The following CACNA2D3 variants were observed in gnomAD, a reference collection of about 807,000 sequenced individuals.
The protein encoded by CACNA2D3 is voltage-dependent calcium channel subunit alpha-2/delta-3.
In CACNA2D3, 60 loss-of-function variants were observed where a neutral mutation model predicts 160.6. That is an observed-to-expected ratio of 0.37 (90% confidence interval 0.30 to 0.46). The LOEUF (loss-of-function observed/expected upper bound fraction) is 0.46. Ranked by LOEUF, CACNA2D3 falls within the 20% of genes least tolerant of loss-of-function variation. The pLI, the probability that CACNA2D3 is intolerant of heterozygous loss-of-function variation, is 1.00. For missense variants in CACNA2D3, 1,205 were observed against 1,365.0 expected (o/e 0.88, Z 1.85); for synonymous variants, 558 against 492.9 (o/e 1.13, Z -1.75).
At chr3:54,261,317 G>A (rs1053764885) in intron 2 of CACNA2D3, among the ~76,000 whole-genome samples, 1 of 152,188 alleles carries the variant, frequency 6.6e-6, no homozygotes, top group African/African-American at 2.4e-5. Flanking sequence ...CTGGTGTCCA[G>A]TTTTATTTTT....
At chr3:54,243,499 G>A (rs1044456296) in intron 2 of CACNA2D3, among the ~76,000 whole-genome samples, 1 of 152,140 alleles carries the variant, frequency 6.6e-6, no homozygotes, top group Non-Finnish European at 1.5e-5. Flanking sequence ...TTCGGCTATT[G>A]TTCATGTGTC....
chr3:54,791,868 C>T (rs1012615620), intron 13 of CACNA2D3, among the ~76,000 whole-genome samples: 4 of 152,160 alleles, frequency 2.6e-5, no homozygotes, highest in Non-Finnish European at 5.9e-5. Flanking sequence ...AAGTTTGTTT[C>T]CTGGCAAGCA....
At chr3:54,525,143 T>C (rs992612279) in intron 5 of CACNA2D3, among the ~76,000 whole-genome samples, 1 of 152,164 alleles carries the variant, frequency 6.6e-6, no homozygotes, top group Non-Finnish European at 1.5e-5. Context: ...ATAGCTTCAT[T>C]ATATTAACCT....
At chr3:54,837,341 T>C in intron 15 of CACNA2D3, 111 bp downstream of exon 15, 1 of 825,356 alleles carries the variant, frequency 1.2e-6, no homozygotes, top group Non-Finnish European at 2.0e-6. Flanking sequence ...ATGTATGTCA[T>C]TTTTCCTTAT....
chr3:55,020,281 A>G (rs1257750547), intron 35 of CACNA2D3, among the ~76,000 whole-genome samples: 4 of 150,434 alleles, frequency 2.7e-5, no homozygotes, highest in Non-Finnish European at 5.9e-5. Context: ...ATTTCCATGA[A>G]TTCTGATAGG....
rs192166849 is a variant in CACNA2D3 at position 54,337,585 on chromosome 3, A to G, written c.321+17027A>G. On this transcript the variant is annotated intron_variant, in intron 3 of 37. Coordinates refer to ENST00000474759, the MANE Select transcript of CACNA2D3 (RefSeq NM_018398.3). ...TTGTAGGCCCTATTGAGAAGACTAG[A>G]CTGGTCCTTTTCCAGTGGAGGGGGA... Among the ~76,000 whole-genome samples, 3 of 152,302 alleles carry G rather than the reference A, an allele frequency of 2.0e-5. No individual in the cohort carries two copies. The East Asian group carries it at 5.8e-4, about 29-fold the overall frequency.
chr3:54,436,317 T>C (rs1267191029), intron 4 of CACNA2D3, among the ~76,000 whole-genome samples: 1 of 152,248 alleles, frequency 6.6e-6, no homozygotes, highest in African/African-American at 2.4e-5. Flanking sequence ...GGAACACTTT[T>C]ACACTGTTGG....
intron 2 of CACNA2D3, among the ~76,000 whole-genome samples, chr3:54,247,538 C>A (rs916548410): frequency 6.6e-6 from 1 of 151,664 alleles, no homozygotes; most frequent in Non-Finnish European, 1.5e-5. Flanking sequence ...ACAGATAATG[C>A]CTTAAATTAA....
chr3:54,220,301 A>G (rs560632194), intron 2 of CACNA2D3, among the ~76,000 whole-genome samples: 2 of 152,322 alleles, frequency 1.3e-5, no homozygotes, highest in Admixed American at 1.3e-4. Context: ...GTAAAGTCTC[A>G]TTAATTAAGC....
In CACNA2D3 at chr3:54,846,461, G is replaced by C. The variant is rs777955334; in HGVS notation, c.1620G>C (p.Arg540Ser). ...ATATCCTGACGCATCCGGAACTCAG[G>C]CTGCTGGTAAGAGAAATTATGTACT... ...NGYILTHPEL[R>S]LLYEEGKKRR... is the part of the protein sequence containing the mutation. Residue 540 changes from arginine (R) to serine (S), a missense_variant, in exon 17 of 38, where the codon AGG becomes AGC. By Grantham distance (110) the Arg-to-Ser change is moderately radical. This residue lies in a region of CACNA2D3 where 911 missense variants were observed against 1,002.2 expected (regional missense o/e 0.91). Transcript: ENST00000474759. The C allele has an allele frequency of 6.3e-7, 1 of 1,591,686 alleles. No homozygotes were observed. The highest frequency in any genetic ancestry group is 1.3e-5 in the African/African-American group (1 of 74,692).
intron 11 of CACNA2D3, among the ~76,000 whole-genome samples, chr3:54,652,994 G>T (rs1023908011): frequency 5.9e-5 from 9 of 152,034 alleles, no homozygotes; most frequent in African/African-American, 2.2e-4. Flanking sequence ...TGTTGGTCAG[G>T]CTGGTCTTGA....
chr3:54,998,247 T>C (rs1229621004), intron 31 of CACNA2D3, among the ~76,000 whole-genome samples: 1 of 151,444 alleles, frequency 6.6e-6, no homozygotes. Context: ...GCAATTCTCA[T>C]GTCTTAGCCT....
intron 11 of CACNA2D3, among the ~76,000 whole-genome samples, chr3:54,680,577 T>C (rs537319090): frequency 6.6e-6 from 1 of 152,282 alleles, no homozygotes; most frequent in South Asian, 2.1e-4. Flanking sequence ...AATTAAGATA[T>C]TTGCAAAGAG....
At chr3:54,740,931 C>A (rs1032877426) in intron 11 of CACNA2D3, among the ~76,000 whole-genome samples, 5 of 152,228 alleles carry the variant, frequency 3.3e-5, no homozygotes, top group African/African-American at 9.6e-5. Context: ...TGCTGCTGTG[C>A]TGCTTCTGCA....
chr3:54,644,733 C>T (rs562315693), intron 11 of CACNA2D3, among the ~76,000 whole-genome samples: 72 of 152,362 alleles, frequency 4.7e-4, no homozygotes, highest in African/African-American at 1.6e-3. Context: ...TGTTCCTCTA[C>T]AACTTCTGAT....
Position 54,569,862 on chromosome 3 carries a change from A to G in CACNA2D3, c.737+7A>G, listed in dbSNP as rs746962852. The G allele has an allele frequency of 1.2e-6, 2 of 1,610,430 alleles. No individual in the cohort carries two copies. Among genetic ancestry groups the G allele is most frequent in the South Asian group, 2.2e-5 (2 of 90,438 alleles). ...ACTGCAGGAACCGAAAATGGTAGGCAGTGGTCAGACCTCTTTGTTATTTCT... is the reference window on the plus strand; with the variant it reads ...ACTGCAGGAACCGAAAATGGTAGGCGGTGGTCAGACCTCTTTGTTATTTCT... On this transcript the variant is annotated splice_region_variant and intron_variant, in intron 7 of 37. Coordinates refer to ENST00000474759, the MANE Select transcript of CACNA2D3 (RefSeq NM_018398.3).
chr3:55,073,230 G>A (rs896107), intron 35 of CACNA2D3, among the ~76,000 whole-genome samples: 10,920 of 152,122 alleles, frequency 0.072, 974 homozygotes, highest in East Asian at 0.27. Context: ...TGTATGAGCC[G>A]CATGTCGTCA....
intron 13 of CACNA2D3, among the ~76,000 whole-genome samples, chr3:54,798,400 T>C (rs1702914526): frequency 6.6e-6 from 1 of 151,918 alleles, no homozygotes; most frequent in African/African-American, 2.4e-5. Context: ...GCCAGGCGCG[T>C]TGGCATGTAC....
chr3:54,273,120 G>A (rs904478475), intron 2 of CACNA2D3: 6 of 152,288 alleles, frequency 3.9e-5, no homozygotes, highest in African/African-American at 1.2e-4. Context: ...CTGGAGAAGG[G>A]AAGGTGGATT....
Sources: allele counts gnomAD v4.1 joint callset (sites outside exome capture counted in the v4.1 genomes callset), GRCh38; gene constraint gnomAD v4.1.1; regional missense constraint gnomAD v4.1.1; transcripts MANE v1.5; gene names NCBI Gene and HGNC (gene_info 2026-07-23, HGNC 2026-07-21).